Variants in TFEC observed in about 807,000 individuals in gnomAD.
TFEC encodes transcription factor EC.
TFEC carries 31 observed loss-of-function variants against 41.6 expected under a neutral mutation model. The ratio of observed to expected loss-of-function variants is 0.74; its 90% CI spans 0.56 to 1.01. The LOEUF (loss-of-function observed/expected upper bound fraction) is 1.01. Among genes scored for constraint, TFEC ranks in the 50% least tolerant of loss-of-function variants. The pLI is 0.00. For synonymous variants in TFEC, 143 were observed against 140.6 expected, an observed-to-expected ratio of 1.02 and a Z score of -0.12; for missense variants, 402 against 404.1, an observed-to-expected ratio of 0.99 and a Z score of 0.04.
chr7:116,063,130 G>C (rs1057337811), intron 3 of TFEC, among the ~76,000 whole-genome samples: 2 of 152,158 alleles, frequency 1.3e-5, no homozygotes, highest in African/African-American at 4.8e-5. Context: ...CTACAACATG[G>C]ATGGATCTCA....
In TFEC at chr7:115,992,204, G is replaced by A. The variant is rs561971063; in HGVS notation, c.-72-7691C>T. On this transcript the variant is annotated intron_variant, in intron 1 of 7. Transcript: ENST00000265440. ...CCAGAATCTCTGGGACACATTTAAA[G>A]CAGTGTGTAGAGGGAAATTTATAGC... Among the ~76,000 whole-genome samples, 4 of 152,284 alleles carry A rather than the reference G, an allele frequency of 2.6e-5. No individual in the cohort carries two copies. The South Asian group carries it at 8.3e-4, about 32-fold the overall frequency.
intron 1 of TFEC, among the ~76,000 whole-genome samples, chr7:116,007,769 C>G (rs967167957): frequency 1.2e-4 from 18 of 152,164 alleles, no homozygotes; most frequent in African/African-American, 4.3e-4. Flanking sequence ...ATAAGACTGT[C>G]TACTTGCATC....
chr7:116,044,013 T>C (rs540256182), intron 3 of TFEC, among the ~76,000 whole-genome samples: 1 of 152,214 alleles, frequency 6.6e-6, no homozygotes, highest in South Asian at 2.1e-4. Context: ...TGCCATGTAA[T>C]TCTTAGTTAT....
At chr7:116,094,688 CA>C (rs1471862775) in intron 3 of TFEC, among the ~76,000 whole-genome samples, 1 of 151,828 alleles carries the variant, frequency 6.6e-6, no homozygotes, top group Non-Finnish European at 1.5e-5. Flanking sequence ...TCAAACAAAA[CA>C]AAACAAAATA....
intron 1 of TFEC, among the ~76,000 whole-genome samples, chr7:116,029,763 C>T (rs2130887161): frequency 6.6e-6 from 1 of 151,994 alleles, no homozygotes; most frequent in East Asian, 1.9e-4. Flanking sequence ...AAAGTTTCTA[C>T]TACAACTCTT....
intron 1 of TFEC, among the ~76,000 whole-genome samples, chr7:116,132,754 G>C (rs1168206356): frequency 6.6e-6 from 1 of 152,190 alleles, no homozygotes; most frequent in Non-Finnish European, 1.5e-5. Context: ...CATTCTTTGA[G>C]AACTATAGCG....
At position 115,941,953 on chromosome 7, in the gene TFEC, T is replaced by C; in HGVS notation, c.603A>G (p.Glu201=). The change falls in exon 7 of 8, where the codon GAA becomes GAG. Residue 201 remains glutamate, a synonymous_variant. Transcript: ENST00000265440. ...WLQKEQQRAR[E]LEHRQKKLEQ... is the part of the protein sequence containing the mutation. ...CTAATTTCTTCTGTCTGTGTTCCAA[T>C]TCTCGGGCTCTCTGTTGTTCTTTTT... The C allele has an allele frequency of 6.2e-7, 1 of 1,613,238 alleles. No individual in the cohort carries two copies. The highest frequency in any genetic ancestry group is 8.5e-7 in the Non-Finnish European group (1 of 1,179,436).
chr7:116,156,346 A>G (rs1007963112), intron 1 of TFEC, among the ~76,000 whole-genome samples: 3 of 152,242 alleles, frequency 2.0e-5, no homozygotes, highest in East Asian at 1.9e-4. Flanking sequence ...CTAAAAATAT[A>G]TATCATGGGT....
At chr7:116,078,022 T>G (rs753955744) in intron 3 of TFEC, among the ~76,000 whole-genome samples, 3 of 152,188 alleles carry the variant, frequency 2.0e-5, no homozygotes, top group Non-Finnish European at 2.9e-5. Context: ...GATCATATGA[T>G]AGGCCACAAA....
intron 1 of TFEC, among the ~76,000 whole-genome samples, chr7:116,152,141 A>G (rs1352696872): frequency 6.6e-6 from 1 of 152,186 alleles, no homozygotes; most frequent in Non-Finnish European, 1.5e-5. Flanking sequence ...AAAAAATGTC[A>G]AGGACTCCCA....
chr7:116,114,174 C>A (rs979234719), intron 1 of TFEC, among the ~76,000 whole-genome samples: 2 of 152,106 alleles, frequency 1.3e-5, no homozygotes, highest in African/African-American at 4.8e-5. Context: ...CAGTAAGTTA[C>A]TGTTATTATT....
chr7:115,966,958 T>G (rs763770944), intron 3 of TFEC, among the ~76,000 whole-genome samples: 1 of 151,802 alleles, frequency 6.6e-6, no homozygotes, highest in Non-Finnish European at 1.5e-5. Context: ...GAATTTAAAT[T>G]AATTGTTTTA....
chr7:116,102,206 T>C (rs1214836252), intron 3 of TFEC, among the ~76,000 whole-genome samples: 5 of 152,158 alleles, frequency 3.3e-5, no homozygotes, highest in Non-Finnish European at 7.4e-5. Flanking sequence ...GGATCAACCA[T>C]GTGATTTATT....
chr7:116,065,016 C>T (rs577349671), intron 3 of TFEC, among the ~76,000 whole-genome samples: 1 of 152,202 alleles, frequency 6.6e-6, no homozygotes, highest in South Asian at 2.1e-4. Context: ...GATTGTTCTC[C>T]TGAAAACAGG....
At position 115,982,213 on chromosome 7, in the gene TFEC, A is replaced by G; in HGVS notation, c.180+2049T>C. Among the ~76,000 whole-genome samples, 2 of 151,706 alleles carry G rather than the reference A, an allele frequency of 1.3e-5. 1 individual carries two copies. The highest frequency in any genetic ancestry group is 4.9e-5 in the African/African-American group (2 of 41,104). ...AGGTGGAAAAGGCTTGGGAGAAAAA[A>G]AAAACAAAAAAAAACAAAAGATGGC... On this transcript the variant is annotated intron_variant, in intron 2 of 7. Transcript: ENST00000265440.
At chr7:115,996,557 G>A (rs1027959694) in intron 1 of TFEC, among the ~76,000 whole-genome samples, 1 of 151,844 alleles carries the variant, frequency 6.6e-6, no homozygotes, top group Non-Finnish European at 1.5e-5. Flanking sequence ...GGAGAGGGAA[G>A]AGTAAAGAAG....
At chr7:116,044,505 T>G (rs1796116911) in intron 3 of TFEC, among the ~76,000 whole-genome samples, 1 of 152,238 alleles carries the variant, frequency 6.6e-6, no homozygotes. Flanking sequence ...ACTTATTTTG[T>G]GATACATACT....
At chr7:116,104,839 T>C (rs1797680532) in intron 3 of TFEC, among the ~76,000 whole-genome samples, 1 of 151,830 alleles carries the variant, frequency 6.6e-6, no homozygotes, top group South Asian at 2.1e-4. Context: ...ATGAGATTTA[T>C]ATCTGGAGGA....
chr7:115,992,356 C>A (rs151019743), intron 1 of TFEC, among the ~76,000 whole-genome samples: 2,979 of 152,230 alleles, frequency 0.02, 100 homozygotes, highest in African/African-American at 0.067. Flanking sequence ...TAACTAAGAT[C>A]AGAGCAGAAC....
Sources: gnomAD v4.1 joint callset for allele counts (sites outside exome capture counted in the v4.1 genomes callset) on GRCh38, gnomAD v4.1.1 for gene constraint, MANE v1.5 for transcripts, NCBI Gene and HGNC (gene_info 2026-07-23, HGNC 2026-07-21) for gene names.